Variants in RASAL2 observed in about 807,000 individuals in gnomAD.
The protein encoded by RASAL2 is ras GTPase-activating protein nGAP.
RASAL2 carries 58 observed loss-of-function variants against 128.9 expected under a neutral mutation model. The ratio of observed to expected loss-of-function variants is 0.45; its 90% CI spans 0.36 to 0.56. The LOEUF is 0.56. Among genes scored for constraint, RASAL2 ranks in the 20% least tolerant of loss-of-function variants. The pLI, the probability that RASAL2 is intolerant of heterozygous loss-of-function variation, is 0.00. For synonymous variants in RASAL2, 561 were observed against 580.8 expected (o/e 0.97, Z 0.49); for missense variants, 1,360 against 1,601.6 (o/e 0.85, Z 2.57).
chr1:178,248,184 CTAT>C (rs1212312796), intron 1 of RASAL2, among the ~76,000 whole-genome samples: 14 of 152,188 alleles, frequency 9.2e-5, no homozygotes, highest in Admixed American at 8.5e-4. Flanking sequence ...AAATCTCCAA[CTAT>C]TATTGTGTGG....
chr1:178,446,173 A>G (rs955295829), intron 9 of RASAL2, among the ~76,000 whole-genome samples: 21 of 152,278 alleles, frequency 1.4e-4, no homozygotes, highest in African/African-American at 5.1e-4. Context: ...TAGGCTACGC[A>G]CTTGCAGTTC....
intron 2 of RASAL2, among the ~76,000 whole-genome samples, chr1:178,296,974 A>T (rs201392217): frequency 6.8e-6 from 1 of 147,834 alleles, no homozygotes; most frequent in African/African-American, 2.5e-5. Flanking sequence ...CACCCAGCCA[A>T]TTTTTTTTTT....
At chr1:178,240,862 T>C (rs1170129534) in intron 1 of RASAL2, among the ~76,000 whole-genome samples, 2 of 151,418 alleles carry the variant, frequency 1.3e-5, no homozygotes, top group African/African-American at 4.8e-5. Context: ...TTAGGAAAAT[T>C]ATTGGAAGAT....
chr1:178,099,347 A>T (rs1324294232), intron 1 of RASAL2, among the ~76,000 whole-genome samples: 1 of 152,246 alleles, frequency 6.6e-6, no homozygotes, highest in Non-Finnish European at 1.5e-5. Flanking sequence ...AAAACACATT[A>T]AGAATAGACA....
At chr1:178,254,289 C>T (rs532634908) in intron 1 of RASAL2, among the ~76,000 whole-genome samples, 30 of 152,280 alleles carry the variant, frequency 2.0e-4, no homozygotes, top group Admixed American at 1.3e-4. Flanking sequence ...ATCCCCAAAA[C>T]TAGATTAAGT....
At chr1:178,262,850 G>T (rs1156718986) in intron 1 of RASAL2, among the ~76,000 whole-genome samples, 1 of 145,748 alleles carries the variant, frequency 6.9e-6, no homozygotes, top group Non-Finnish European at 1.5e-5. Flanking sequence ...CCTAAATGGT[G>T]TACATTAAGC....
In RASAL2 at chr1:178,242,423, TTCTCTC is replaced by T. The variant is rs58914415; in HGVS notation, c.203-41087_203-41082del. Among the ~76,000 whole-genome samples, 672 of 85,142 alleles carry T rather than the reference TTCTCTC, an allele frequency of 7.9e-3. 8 individuals are homozygous for T. Among genetic ancestry groups the T allele is most frequent in the South Asian group, 0.017 (34 of 2,002 alleles). 55.9% of individuals were successfully genotyped at this position (85,142 alleles called of 152,430 possible). A position where few individuals can be genotyped will look rare whatever the true frequency, so the allele number is the denominator to read the frequency against. On this transcript the variant is annotated intron_variant, in intron 1 of 17. Transcript: ENST00000367649. The stretch of plus-strand genomic sequence containing the variant: ...TGCTAATGACAATTTTTATAATTCA[TTCTCTC>T]TCTCTCTCTCTCTCTCTCTCTCTCT...
intron 9 of RASAL2, 113 bp downstream of exon 9, chr1:178,445,775 C>A: frequency 8.8e-7 from 1 of 1,134,436 alleles, no homozygotes; most frequent in Non-Finnish European, 1.2e-6. Flanking sequence ...TTCTAGCTGA[C>A]TCAGGTGTTA....
intron 5 of RASAL2, among the ~76,000 whole-genome samples, chr1:178,439,203 A>G (rs1399591468): frequency 1.3e-5 from 2 of 152,062 alleles, no homozygotes; most frequent in Non-Finnish European, 2.9e-5. Flanking sequence ...TGCCATATTG[A>G]AAAAAAGTGT....
At chr1:178,210,067 G>A (rs1377898965) in intron 1 of RASAL2, among the ~76,000 whole-genome samples, 1 of 151,400 alleles carries the variant, frequency 6.6e-6, no homozygotes, top group South Asian at 2.1e-4. Context: ...TGACTGTTAG[G>A]TCACTTTACT....
intron 1 of RASAL2, among the ~76,000 whole-genome samples, chr1:178,240,229 T>C (rs1571685252): frequency 6.6e-6 from 1 of 152,190 alleles, no homozygotes; most frequent in South Asian, 2.1e-4. Flanking sequence ...ATTATTTCAA[T>C]TTATTGGACT....
At chr1:178,101,430 A>G (rs1441750278) in intron 1 of RASAL2, among the ~76,000 whole-genome samples, 2 of 152,104 alleles carry the variant, frequency 1.3e-5, no homozygotes. Context: ...AATTATCTTC[A>G]ACATTGCTCG....
intron 3 of RASAL2, among the ~76,000 whole-genome samples, chr1:178,365,994 T>C (rs1202521383): frequency 6.6e-6 from 1 of 152,194 alleles, no homozygotes; most frequent in Non-Finnish European, 1.5e-5. Context: ...TTTATGATAT[T>C]GAAATATAAT....
intron 3 of RASAL2, among the ~76,000 whole-genome samples, chr1:178,329,946 A>G (rs1469612040): frequency 6.6e-6 from 1 of 152,226 alleles, no homozygotes; most frequent in African/African-American, 2.4e-5. Flanking sequence ...GTGAGCATCC[A>G]GTCCAAACTG....
At chr1:178,394,505 A>T (rs1673101456) in intron 4 of RASAL2, among the ~76,000 whole-genome samples, 3 of 152,192 alleles carry the variant, frequency 2.0e-5, no homozygotes, top group Admixed American at 2.0e-4. Context: ...ATTGATATTT[A>T]TGATTTGTTT....
chr1:178,393,422 G>A (rs948597066), intron 4 of RASAL2, among the ~76,000 whole-genome samples: 3 of 152,124 alleles, frequency 2.0e-5, no homozygotes, highest in Admixed American at 6.6e-5. Context: ...CCTCGCATGC[G>A]CAGTTCACAA....
intron 14 of RASAL2, among the ~76,000 whole-genome samples, chr1:178,459,555 T>C (rs1678029156): frequency 6.6e-6 from 1 of 152,112 alleles, no homozygotes; most frequent in African/African-American, 2.4e-5. Flanking sequence ...TTTGTATCTG[T>C]TATATATTTG....
At chr1:178,431,754 T>C (rs996947807) in intron 5 of RASAL2, among the ~76,000 whole-genome samples, 1 of 151,898 alleles carries the variant, frequency 6.6e-6, no homozygotes, top group African/African-American at 2.4e-5. Context: ...AGTATATCTG[T>C]AGGTTCCAAT....
At chr1:178,116,251 T>C (rs539260741) in intron 1 of RASAL2, among the ~76,000 whole-genome samples, 7 of 152,342 alleles carry the variant, frequency 4.6e-5, no homozygotes, top group Non-Finnish European at 8.8e-5. Flanking sequence ...TTCTTATTGG[T>C]ATATATGTTT....
Sources: allele counts gnomAD v4.1 joint callset (sites outside exome capture counted in the v4.1 genomes callset), GRCh38; gene constraint gnomAD v4.1.1; transcripts MANE v1.5; gene names NCBI Gene and HGNC (gene_info 2026-07-23, HGNC 2026-07-21).